Variants in BRD8 observed in about 807,000 individuals in gnomAD.
The protein encoded by BRD8 is bromodomain containing 8.
Under a neutral mutation model 143.1 loss-of-function variants are expected in BRD8, and 67 were observed. The ratio of observed to expected loss-of-function variants is 0.47; its 90% CI spans 0.38 to 0.57. BRD8 has a LOEUF of 0.57. Among genes scored for constraint, BRD8 ranks in the 20% least tolerant of loss-of-function variants. The pLI is 0.00. For synonymous variants in BRD8, 505 were observed against 517.1 expected (o/e 0.98, Z 0.32); for missense variants, 1,103 against 1,503.0 (o/e 0.73, Z 4.40).
At chr5:138,144,218 T>G (rs979942490) in intron 25 of BRD8, among the ~76,000 whole-genome samples, 1 of 151,676 alleles carries the variant, frequency 6.6e-6, no homozygotes, top group African/African-American at 2.4e-5. Context: ...AACGAACAAC[T>G]CCAGAGGCGC....
intron 14 of BRD8, chr5:138,163,567 G>GA (rs753067932): frequency 5.3e-3 from 6,746 of 1,282,416 alleles, no homozygotes; most frequent in East Asian, 9.0e-3. Context: ...TAAAAAGAAA[G>GA]AAAAAAAAAA....
At chr5:138,152,415 G>A in intron 21 of BRD8, 67 bp downstream of exon 21, 5 of 1,572,652 alleles carry the variant, frequency 3.2e-6, no homozygotes, top group Non-Finnish European at 4.3e-6. Flanking sequence ...GTAGAAGCAT[G>A]TAAGGATAAG....
intron 2 of BRD8, chr5:138,177,135 C>T (rs1302400878): frequency 2.0e-5 from 3 of 152,406 alleles, no homozygotes; most frequent in African/African-American, 7.3e-5. Context: ...CGCCTGTAAT[C>T]CCAGCACTTT....
chr5:138,162,279 CCCTCAACCTCCCAGACTCAATCCTCTCA>C (rs1753054895), intron 15 of BRD8, 133 bp from the exon 16 acceptor site: 1 of 651,858 alleles, frequency 1.5e-6, no homozygotes, highest in Non-Finnish European at 2.6e-6. Flanking sequence ...GTTCATTGCA[CCCTCAACCTCCCAGACTCAATCCTCTCA>C]CCTCAGCCTC....
chr5:138,169,446 A>G, intron 7 of BRD8, 88 bp from the exon 8 acceptor site: 1 of 1,434,140 alleles, frequency 7.0e-7, no homozygotes, highest in Non-Finnish European at 9.6e-7. Context: ...ATAAAGGACA[A>G]ATAGGTATGT....
At chr5:138,169,427 T>G in intron 7 of BRD8, 69 bp from the exon 8 acceptor site, 1 of 1,540,514 alleles carries the variant, frequency 6.5e-7, no homozygotes, top group South Asian at 1.2e-5. Flanking sequence ...ACTAGTCTGC[T>G]ATTATACAAT....
At chr5:138,166,184 TAC>T (rs2151205008) in intron 10 of BRD8, 76 bp from the exon 11 acceptor site, 1 of 989,634 alleles carries the variant, frequency 1.0e-6, no homozygotes, top group Non-Finnish European at 1.5e-6. Context: ...ACATAAGCGC[TAC>T]AGACAGATGT....
Position 138,140,735 on chromosome 5 carries a change from C to T in BRD8, c.3585G>A (p.Glu1195=), listed in dbSNP as rs143228512. 554 of 1,614,176 alleles carry T rather than the reference C, an allele frequency of 3.4e-4. No homozygotes were observed. The highest frequency in any genetic ancestry group is 4.9e-4 in the Middle Eastern group (3 of 6,062). ...SDHHVYHMAV[E]MRQEVLEQIQ... ...TCTGCTCCAGGACTTCTTGCCGCAT[C>T]TCCACAGCCATATGGTATACATGAT... The change falls in exon 26 of 27, where the codon GAG becomes GAA. Residue 1195 remains glutamate, a synonymous_variant. Transcript: ENST00000254900.
chr5:138,165,743 A>AAC, intron 11 of BRD8, 85 bp downstream of exon 11: 1 of 1,389,312 alleles, frequency 7.2e-7, no homozygotes. Flanking sequence ...AAAAAAAAAA[A>AAC]AGCAGCAGCA....
In BRD8 at chr5:138,150,779, C is replaced by T. The variant is rs779438704; in HGVS notation, c.3086G>A (p.Cys1029Tyr). The T allele has an allele frequency of 2.5e-6, 4 of 1,613,896 alleles. No homozygotes were observed. The highest frequency in any genetic ancestry group is 3.4e-6 in the Non-Finnish European group (4 of 1,179,994). The change falls in exon 22 of 27, where the codon TGT becomes TAT. Residue 1029 changes from cysteine (C) to tyrosine (Y), a missense_variant. Cys to Tyr is a radical substitution (Grantham distance 194). Around this residue, in one of 7 missense-constraint regions of BRD8, gnomAD observed 369 missense variants for 445.5 expected, o/e 0.83. Coordinates refer to ENST00000254900, the MANE Select transcript of BRD8 (RefSeq NM_139199.2). ...PEVASAPSVI[C>Y]TVQGLLTESE... The stretch of plus-strand genomic sequence containing the variant: ...CTCTGTGAGTAGTCCCTGAACTGTA[C>T]AAATAACTGAGGGAGCTGAAGCCAC...
chr5:138,174,589 C>T (rs1754163142), intron 2 of BRD8, among the ~76,000 whole-genome samples: 1 of 141,996 alleles, frequency 7.0e-6, no homozygotes. Context: ...GAGACTCCAT[C>T]TCAAAAAAAA....
At position 138,140,753 on chromosome 5, in the gene BRD8, T is replaced by C. The variant is rs1348952628; in HGVS notation, c.3567A>G (p.Val1189=). The change falls in exon 26 of 27, where the codon GTA becomes GTG. Residue 1189 remains valine, a synonymous_variant. Transcript: ENST00000254900. ...AVMYNDSDHH[V]YHMAVEMRQE... ...GCCGCATCTCCACAGCCATATGGTA[T>C]ACATGATGATCAGAGTCATTGTACA... The C allele has an allele frequency of 6.2e-7, 1 of 1,614,076 alleles. No homozygotes were observed. Among genetic ancestry groups the C allele is most frequent in the Non-Finnish European group, 8.5e-7 (1 of 1,180,044 alleles).
Position 138,140,064 on chromosome 5 carries a change from C to A in BRD8, c.*10G>T, listed in dbSNP as rs763850003. On this transcript the variant is annotated 3_prime_UTR_variant, in exon 27 of 27. Transcript: ENST00000254900. Reference sequence around the variant, plus strand: ...CAAACTCTAGAAAAAGTCAGGATAGCAGCTCCAGGTTAGAAAACAGGTTTT... The same window carrying A: ...CAAACTCTAGAAAAAGTCAGGATAGAAGCTCCAGGTTAGAAAACAGGTTTT... 2 of 1,604,318 alleles carry A rather than the reference C, an allele frequency of 1.2e-6. No individual in the cohort carries two copies. The highest frequency in any genetic ancestry group is 1.7e-6 in the Non-Finnish European group (2 of 1,171,052).
intron 19 of BRD8, 78 bp downstream of exon 19, chr5:138,159,991 G>T: frequency 9.6e-7 from 1 of 1,038,004 alleles, no homozygotes; most frequent in Non-Finnish European, 1.5e-6. Context: ...ATACCAAGTA[G>T]TAACATAAGG....
chr5:138,169,025 T>A (rs1581448075), intron 8 of BRD8, among the ~76,000 whole-genome samples, 197 bp downstream of exon 8: 1 of 152,214 alleles, frequency 6.6e-6, no homozygotes, highest in Non-Finnish European at 1.5e-5. Flanking sequence ...TTTTTACCTA[T>A]CTCTCAAAAA....
intron 20 of BRD8, among the ~76,000 whole-genome samples, chr5:138,157,443 G>A (rs1752678362): frequency 6.6e-6 from 1 of 152,120 alleles, no homozygotes; most frequent in Admixed American, 6.6e-5. Context: ...AGAACACCTG[G>A]TAGTTTGTGA....
intron 10 of BRD8, 122 bp downstream of exon 10, chr5:138,166,396 A>T: frequency 1.5e-6 from 1 of 661,426 alleles, no homozygotes; most frequent in Admixed American, 2.9e-5. Flanking sequence ...AAGGATAAAG[A>T]TGGCACATGT....
In BRD8 at chr5:138,166,558, G is replaced by A. The variant is rs1285439433; in HGVS notation, c.957C>T (p.Ser319=). 6 of 1,613,996 alleles carry A rather than the reference G, an allele frequency of 3.7e-6. No individual in the cohort carries two copies. The highest frequency in any genetic ancestry group is 5.1e-6 in the Non-Finnish European group (6 of 1,179,930). ...IVMMPALPAP[S]SAPAVSTTES... is the part of the protein sequence containing the mutation. Reference sequence around the variant, plus strand: ...CAGTAGTGGAGACAGCCGGAGCAGAGGATGGTGCTGGCAGCGCAGGCATCA... The same window carrying A: ...CAGTAGTGGAGACAGCCGGAGCAGAAGATGGTGCTGGCAGCGCAGGCATCA... Residue 319 remains serine (S), a synonymous_variant, in exon 10 of 27, where the codon TCC becomes TCT. Coordinates refer to ENST00000254900, the MANE Select transcript of BRD8 (RefSeq NM_139199.2).
intron 20 of BRD8, 72 bp from the exon 21 acceptor site, chr5:138,152,832 G>A: frequency 6.7e-7 from 1 of 1,499,656 alleles, no homozygotes; most frequent in Admixed American, 2.1e-5. Flanking sequence ...CATCTCCCGA[G>A]TTCAGTAGAA....
Sources: gnomAD v4.1 joint callset for allele counts (sites outside exome capture counted in the v4.1 genomes callset) on GRCh38, gnomAD v4.1.1 for gene constraint, gnomAD v4.1.1 regional missense constraint, MANE v1.5 for transcripts, NCBI Gene and HGNC (gene_info 2026-07-23, HGNC 2026-07-21) for gene names.